The following CFAP47 variants were observed in gnomAD, a reference collection of about 807,000 sequenced individuals.
CFAP47 encodes cilia and flagella associated protein 47.
In CFAP47, 29 loss-of-function variants were observed where a neutral mutation model predicts 148.1. The observed-to-expected ratio is 0.20, with a 90% CI of 0.15 to 0.27. The LOEUF (loss-of-function observed/expected upper bound fraction) is 0.27, where lower values mean the gene tolerates loss of function less well. Among genes scored for constraint, CFAP47 ranks in the 10% least tolerant of loss-of-function variants. The pLI is 1.00. For synonymous variants in CFAP47, 664 were observed against 577.3 expected (o/e 1.15, Z -2.15); for missense variants, 1,872 against 1,697.5 (o/e 1.10, Z -1.81).
At chrX:36,371,611 A>G (rs1470284020) in intron 62 of CFAP47, among the ~76,000 whole-genome samples, 2 of 91,080 alleles carry the variant, frequency 2.2e-5, no homozygotes, top group East Asian at 4.1e-4. Context: ...ATATATGTGT[A>G]TATATGTGTA....
At chrX:36,041,377 T>A (rs1333563325) in intron 25 of CFAP47, among the ~76,000 whole-genome samples, 1 of 111,665 alleles carries the variant, frequency 9.0e-6, no homozygotes, top group Non-Finnish European at 1.9e-5. Context: ...AACTTAAATA[T>A]GAAAGTTGTA....
intron 32 of CFAP47, among the ~76,000 whole-genome samples, chrX:36,103,773 A>G (rs924791871): frequency 5.4e-5 from 6 of 111,226 alleles, no homozygotes; most frequent in African/African-American, 2.0e-4. Context: ...CTTGAGATAT[A>G]TATAGTGAGG....
At chrX:36,296,394 C>G (rs1166463368) in intron 51 of CFAP47, among the ~76,000 whole-genome samples, 7 of 112,004 alleles carry the variant, frequency 6.2e-5, no homozygotes, top group African/African-American at 2.3e-4. Context: ...CCTCTTTAGA[C>G]CAGAATCTAA....
In CFAP47 at chrX:36,235,392, G is replaced by A. The variant is rs782821152; in HGVS notation, c.7015-542G>A. On this transcript the variant is annotated intron_variant, in intron 46 of 63. Transcript: ENST00000378653. ...TCAGACTGTTGTGCTAGCAATCAGC[G>A]AGACTCCGTGGGCGTAGGACCCTCC... Among the ~76,000 whole-genome samples the A allele has an allele frequency of 6.2e-5, 7 of 112,289 alleles. No homozygotes were observed. In the South Asian group the frequency reaches 2.2e-3, roughly 36 times the overall value.
intron 29 of CFAP47, among the ~76,000 whole-genome samples, chrX:36,074,201 A>G (rs1937807113): frequency 8.9e-6 from 1 of 112,121 alleles, no homozygotes; most frequent in South Asian, 3.7e-4. Flanking sequence ...AATGCAATTG[A>G]TACCCTGAAA....
intron 24 of CFAP47, among the ~76,000 whole-genome samples, chrX:36,038,153 G>T (rs1937360331): frequency 8.9e-6 from 1 of 111,796 alleles, no homozygotes; most frequent in South Asian, 3.7e-4. Flanking sequence ...AGCACTAAGT[G>T]CCACTTTTGA....
intron 49 of CFAP47, among the ~76,000 whole-genome samples, chrX:36,258,241 G>A (rs947345080): frequency 1.8e-5 from 2 of 111,726 alleles, no homozygotes; most frequent in African/African-American, 6.5e-5. Context: ...CTTTTAGTTC[G>A]CTTTTGTAAA....
intron 2 of CFAP47, among the ~76,000 whole-genome samples, chrX:35,929,065 C>G (rs191443886): frequency 9.0e-6 from 1 of 111,255 alleles, no homozygotes; most frequent in Admixed American, 9.6e-5. Flanking sequence ...TATAGTAATT[C>G]TTAATATCAT....
At chrX:36,170,957 T>C (rs1188741600) in intron 39 of CFAP47, among the ~76,000 whole-genome samples, 2 of 109,632 alleles carry the variant, frequency 1.8e-5, no homozygotes, top group African/African-American at 6.7e-5. Context: ...CTCCGGCACC[T>C]GTTGTTTCCT....
At chrX:36,370,295 C>T (rs1284848378) in intron 62 of CFAP47, among the ~76,000 whole-genome samples, 6 of 98,876 alleles carry the variant, frequency 6.1e-5, no homozygotes, top group Admixed American at 3.4e-4. Flanking sequence ...GTTCCCCTCC[C>T]TGTGTCCATG....
intron 57 of CFAP47, among the ~76,000 whole-genome samples, chrX:36,344,523 A>C (rs1556016288): frequency 4.5e-5 from 5 of 111,563 alleles, no homozygotes. Flanking sequence ...AGTTACAACC[A>C]CAAATGGGGT....
At chrX:36,364,433 T>C (rs373191375) in intron 61 of CFAP47, among the ~76,000 whole-genome samples, 4,676 of 94,415 alleles carry the variant, frequency 0.05, 240 homozygotes, top group African/African-American at 0.17. Flanking sequence ...AATTTCAGAT[T>C]GTCCTAATAA....
At chrX:36,319,978 A>G (rs1285726354) in intron 57 of CFAP47, among the ~76,000 whole-genome samples, 1 of 110,774 alleles carries the variant, frequency 9.0e-6, no homozygotes, top group Non-Finnish European at 1.9e-5. Flanking sequence ...GGCGCACACC[A>G]TCCCGCATGG....
At chrX:36,024,501 G>C (rs901386618) in intron 22 of CFAP47, among the ~76,000 whole-genome samples, 1 of 111,276 alleles carries the variant, frequency 9.0e-6, no homozygotes, top group East Asian at 2.9e-4. Context: ...GGCCCAGCTC[G>C]GCCATTAGGA....
chrX:36,345,279 A>T (rs1272895938), intron 57 of CFAP47, among the ~76,000 whole-genome samples: 1 of 111,619 alleles, frequency 9.0e-6, no homozygotes. Flanking sequence ...TCTCTGTGGC[A>T]CCAGGGATCG....
chrX:36,026,289 G>A (rs1457779440), intron 22 of CFAP47, among the ~76,000 whole-genome samples: 2 of 111,434 alleles, frequency 1.8e-5, no homozygotes, highest in South Asian at 3.7e-4. Context: ...GAATTAACAG[G>A]TGCGTTTTTA....
intron 30 of CFAP47, among the ~76,000 whole-genome samples, chrX:36,096,704 T>C: frequency 9.0e-6 from 1 of 110,542 alleles, no homozygotes; most frequent in Middle Eastern, 4.6e-3. Context: ...GGTATCTTTT[T>C]CCATCCGTGT....
At chrX:36,247,039 G>A (rs183791070) in intron 48 of CFAP47, among the ~76,000 whole-genome samples, 124 of 111,383 alleles carry the variant, frequency 1.1e-3, no homozygotes, top group African/African-American at 3.8e-3. Context: ...GCCCATCAGT[G>A]GTGGATTGGA....
intron 21 of CFAP47, among the ~76,000 whole-genome samples, chrX:36,012,476 T>C (rs113169328): frequency 0.07 from 7,843 of 111,804 alleles, 715 homozygotes; most frequent in African/African-American, 0.24. Context: ...CATGGAATAC[T>C]ATGCAGCCAT....
Sources: allele counts gnomAD v4.1 joint callset (sites outside exome capture counted in the v4.1 genomes callset), GRCh38; gene constraint gnomAD v4.1.1; transcripts MANE v1.5; gene names NCBI Gene and HGNC (gene_info 2026-07-23, HGNC 2026-07-21).